SUGCT: variants seen among roughly 807,000 people sequenced by gnomAD.
The protein encoded by SUGCT is succinyl-CoA:glutarate-CoA transferase.
SUGCT carries 41 observed loss-of-function variants against 55.0 expected under a neutral mutation model. That is an observed-to-expected ratio of 0.74 (90% CI 0.58 to 0.97). SUGCT has a LOEUF of 0.97. Among genes scored for constraint, SUGCT ranks in the 50% least tolerant of loss-of-function variants. SUGCT has a pLI of 0.00. For missense variants in SUGCT, 568 were observed against 547.8 expected (o/e 1.04, Z -0.37); for synonymous variants, 187 against 200.4 (o/e 0.93, Z 0.56).
chr7:40,959,767 C>T, the SUGCT span, among the ~76,000 whole-genome samples: 1 of 151,990 alleles, frequency 6.6e-6, no homozygotes, highest in Non-Finnish European at 1.5e-5. Context: ...CAAAAGGTCA[C>T]CCAGCTTTGT....
intron 13 of SUGCT, among the ~76,000 whole-genome samples, chr7:40,767,060 A>G (rs1179522951): frequency 6.6e-6 from 1 of 152,182 alleles, no homozygotes; most frequent in Non-Finnish European, 1.5e-5. Flanking sequence ...TACTGTCTGG[A>G]TTATTTACTT....
At chr7:40,581,581 T>C (rs1797094610) in intron 12 of SUGCT, among the ~76,000 whole-genome samples, 1 of 152,232 alleles carries the variant, frequency 6.6e-6, no homozygotes, top group Non-Finnish European at 1.5e-5. Context: ...AGGGTTACTT[T>C]ATTTTTCTTT....
At chr7:40,176,178 G>A (rs1784913878) in intron 1 of SUGCT, among the ~76,000 whole-genome samples, 1 of 151,818 alleles carries the variant, frequency 6.6e-6, no homozygotes, top group African/African-American at 2.4e-5. Context: ...GTTGCAGTGA[G>A]CTGAGATCAC....
intron 12 of SUGCT, among the ~76,000 whole-genome samples, chr7:40,746,937 A>G (rs1302586199): frequency 2.6e-5 from 4 of 152,214 alleles, no homozygotes; most frequent in Admixed American, 2.0e-4. Context: ...AGAATGATTC[A>G]GTGTGCAGAT....
intron 8 of SUGCT, among the ~76,000 whole-genome samples, chr7:40,305,022 T>G (rs1039521455): frequency 6.6e-6 from 1 of 152,186 alleles, no homozygotes; most frequent in African/African-American, 2.4e-5. Context: ...CCACAGGGTC[T>G]TGCTCCCTGA....
At chr7:40,496,599 T>G (rs1379091677) in intron 12 of SUGCT, among the ~76,000 whole-genome samples, 2 of 152,186 alleles carry the variant, frequency 1.3e-5, no homozygotes, top group Non-Finnish European at 1.5e-5. Context: ...TATACTGTAT[T>G]TCTTCATCAG....
chr7:40,831,385 T>C (rs1792656497), intron 13 of SUGCT, among the ~76,000 whole-genome samples: 1 of 151,876 alleles, frequency 6.6e-6, no homozygotes, highest in Non-Finnish European at 1.5e-5. Context: ...CACCCAGAAG[T>C]TGGATATAAG....
the SUGCT span, among the ~76,000 whole-genome samples, chr7:40,951,198 G>T: frequency 6.6e-6 from 1 of 152,148 alleles, no homozygotes; most frequent in African/African-American, 2.4e-5. Context: ...GAGGGTGTAT[G>T]TGTCGAGGAA....
At chr7:40,953,650 T>A in the SUGCT span, among the ~76,000 whole-genome samples, 9 of 150,700 alleles carry the variant, frequency 6.0e-5, no homozygotes, top group Non-Finnish European at 1.0e-4. Flanking sequence ...TCCTTTCTGT[T>A]TGTTAGTTTT....
At chr7:40,727,276 G>A (rs1191409433) in intron 12 of SUGCT, among the ~76,000 whole-genome samples, 1 of 152,130 alleles carries the variant, frequency 6.6e-6, no homozygotes, top group African/African-American at 2.4e-5. Flanking sequence ...CTTATCCAAG[G>A]TATACAAATT....
At chr7:40,858,335 G>A (rs1031197893) in intron 13 of SUGCT, among the ~76,000 whole-genome samples, 10 of 149,992 alleles carry the variant, frequency 6.7e-5, no homozygotes, top group African/African-American at 2.0e-4. Context: ...TCTGGGAGGC[G>A]GAGGTTGTGG....
the SUGCT span, among the ~76,000 whole-genome samples, chr7:41,009,808 C>T: frequency 6.6e-6 from 1 of 152,136 alleles, no homozygotes; most frequent in African/African-American, 2.4e-5. Flanking sequence ...AACAAGTACC[C>T]CAGATGTGTT....
chr7:40,989,685 C>G, the SUGCT span, among the ~76,000 whole-genome samples: 1 of 151,900 alleles, frequency 6.6e-6, no homozygotes, highest in African/African-American at 2.4e-5. Flanking sequence ...GCAGAAGAAT[C>G]GCTGGAACCT....
intron 9 of SUGCT, among the ~76,000 whole-genome samples, chr7:40,378,208 C>A (rs1279109994): frequency 6.8e-6 from 1 of 146,562 alleles, no homozygotes; most frequent in Non-Finnish European, 1.5e-5. Context: ...TCTTCTCCTC[C>A]TTCTCTCTTC....
intron 10 of SUGCT, among the ~76,000 whole-genome samples, chr7:40,454,542 G>T (rs1369022041): frequency 6.6e-6 from 1 of 152,114 alleles, no homozygotes; most frequent in Non-Finnish European, 1.5e-5. Context: ...GCATGTACAT[G>T]TTACTGCACT....
chr7:41,008,748 G>A, the SUGCT span, among the ~76,000 whole-genome samples: 1 of 151,992 alleles, frequency 6.6e-6, no homozygotes, highest in Non-Finnish European at 1.5e-5. Flanking sequence ...GAGGGCAAAT[G>A]CGCCCTTCCC....
At chr7:40,634,651 A>G (rs774215518) in intron 12 of SUGCT, among the ~76,000 whole-genome samples, 3 of 152,244 alleles carry the variant, frequency 2.0e-5, no homozygotes, top group Non-Finnish European at 2.9e-5. Flanking sequence ...TACAAGCCCA[A>G]GTTTTAAAAC....
intron 12 of SUGCT, among the ~76,000 whole-genome samples, chr7:40,542,227 A>G (rs1244678454): frequency 6.6e-6 from 1 of 152,198 alleles, no homozygotes; most frequent in Non-Finnish European, 1.5e-5. Flanking sequence ...GACATAGACA[A>G]TGTAATCATA....
At chr7:40,330,255 A>G (rs1160578184) in intron 9 of SUGCT, among the ~76,000 whole-genome samples, 1 of 152,216 alleles carries the variant, frequency 6.6e-6, no homozygotes. Flanking sequence ...TATAAAGAAG[A>G]TTGAGTCTGC....
Sources: allele counts gnomAD v4.1 joint callset (sites outside exome capture counted in the v4.1 genomes callset), GRCh38; gene constraint gnomAD v4.1.1; transcripts MANE v1.5; gene names NCBI Gene and HGNC (gene_info 2026-07-23, HGNC 2026-07-21).